TNKS: variants seen among roughly 807,000 people sequenced by gnomAD.
The protein encoded by TNKS is tankyrase, also known as poly [ADP-ribose] polymerase tankyrase-1.
TNKS carries 72 observed loss-of-function variants against 135.8 expected under a neutral mutation model. The ratio of observed to expected loss-of-function variants is 0.53; its 90% CI spans 0.44 to 0.64. The LOEUF (loss-of-function observed/expected upper bound fraction) is 0.64. Ranked by LOEUF, TNKS falls within the 30% of genes least tolerant of loss-of-function variation. The pLI, the probability that TNKS is intolerant of heterozygous loss-of-function variation, is 0.00. For synonymous variants in TNKS, 849 were observed against 649.3 expected (o/e 1.31, Z -4.68); for missense variants, 1,769 against 1,674.0 (o/e 1.06, Z -0.99).
intron 26 of TNKS, among the ~76,000 whole-genome samples, chr8:9,773,749 A>T (rs1808075350): frequency 6.6e-6 from 1 of 152,190 alleles, no homozygotes; most frequent in Admixed American, 6.5e-5. Context: ...TAAATAAAAA[A>T]ATGCACTCAG....
At chr8:9,587,235 G>A (rs949255110) in intron 2 of TNKS, among the ~76,000 whole-genome samples, 1 of 151,902 alleles carries the variant, frequency 6.6e-6, no homozygotes, top group Non-Finnish European at 1.5e-5. Flanking sequence ...AAAGTCAGAT[G>A]ATATAATTTC....
chr8:9,676,419 A>G (rs1318677841), intron 3 of TNKS, among the ~76,000 whole-genome samples: 1 of 152,122 alleles, frequency 6.6e-6, no homozygotes, highest in Non-Finnish European at 1.5e-5. Context: ...ATTTTTACAA[A>G]ACTAAGTCTA....
intron 1 of TNKS, chr8:9,558,470 C>T (rs911390463): frequency 6.6e-6 from 1 of 152,144 alleles, no homozygotes; most frequent in Non-Finnish European, 1.5e-5. Context: ...CTTTTGCATA[C>T]TTTATTCCAA....
intron 5 of TNKS, among the ~76,000 whole-genome samples, chr8:9,701,103 T>A (rs551545917): frequency 6.6e-6 from 1 of 151,976 alleles, no homozygotes; most frequent in African/African-American, 2.4e-5. Context: ...CTGGCTAATT[T>A]TTTGTATTTT....
chr8:9,592,038 T>C (rs1309493637), intron 2 of TNKS, among the ~76,000 whole-genome samples: 1 of 152,206 alleles, frequency 6.6e-6, no homozygotes, highest in Non-Finnish European at 1.5e-5. Flanking sequence ...ATTATAGGAC[T>C]CATTTTTAAG....
rs1264594179 is a variant in TNKS at position 9,641,667 on chromosome 8, T to A, written c.994+25990T>A. ...AATGTATTTTTTTTTTATGTGTGTGTGTTAGAGGAATAGAGACACACAGAG... is the reference window on the plus strand; with the variant it reads ...AATGTATTTTTTTTTTATGTGTGTGAGTTAGAGGAATAGAGACACACAGAG... On this transcript the variant is annotated intron_variant, in intron 3 of 26. Coordinates refer to ENST00000310430, the MANE Select transcript of TNKS (RefSeq NM_003747.3). 1.4e-5 allele frequency among the ~76,000 whole-genome samples: 2 copies of A among 144,856 alleles called. 1 individual carries two copies. Among genetic ancestry groups the A allele is most frequent in the East Asian group, 4.2e-4 (2 of 4,712 alleles).
chr8:9,624,683 A>G (rs1487353493), intron 3 of TNKS, among the ~76,000 whole-genome samples: 1 of 152,100 alleles, frequency 6.6e-6, no homozygotes, highest in Non-Finnish European at 1.5e-5. Context: ...GGCCTTATAG[A>G]ATGAGTTAGT....
At chr8:9,566,979 C>T (rs955871886) in intron 1 of TNKS, among the ~76,000 whole-genome samples, 3 of 152,260 alleles carry the variant, frequency 2.0e-5, no homozygotes, top group African/African-American at 7.2e-5. Flanking sequence ...AGATTTAAAC[C>T]CAATCTGGTT....
intron 2 of TNKS, among the ~76,000 whole-genome samples, chr8:9,585,761 G>T (rs984370525): frequency 2.6e-5 from 4 of 152,034 alleles, no homozygotes; most frequent in Non-Finnish European, 5.9e-5. Flanking sequence ...AACAATTCTT[G>T]GTTTAATTTG....
chr8:9,698,374 G>GAAAAAAAAAAAAAAAAA (rs34311181), intron 5 of TNKS, among the ~76,000 whole-genome samples: 5 of 98,768 alleles, frequency 5.1e-5, no homozygotes, highest in African/African-American at 1.6e-4. Flanking sequence ...ATTTTAAAAT[G>GAAAAAAAAAAAAAAAAA]AAAAAAAAAA....
chr8:9,679,150 A>G (rs896937569), intron 3 of TNKS, among the ~76,000 whole-genome samples: 1 of 152,130 alleles, frequency 6.6e-6, no homozygotes, highest in Non-Finnish European at 1.5e-5. Flanking sequence ...AGAATGGGGG[A>G]AAATTACCCA....
chr8:9,613,838 T>C (rs1047855666), intron 2 of TNKS, among the ~76,000 whole-genome samples: 12 of 152,192 alleles, frequency 7.9e-5, no homozygotes, highest in Admixed American at 7.9e-4. Context: ...GGAGAAACAG[T>C]CAGACTTTCA....
At chr8:9,596,962 G>C (rs960440918) in intron 2 of TNKS, among the ~76,000 whole-genome samples, 1 of 152,208 alleles carries the variant, frequency 6.6e-6, no homozygotes, top group African/African-American at 2.4e-5. Flanking sequence ...ATTAGGAAGA[G>C]GACATTGAAT....
rs1377027423 is a variant in TNKS, at chr8:9,706,194, G to C, written c.1210G>C (p.Val404Leu). 2.5e-6 allele frequency: 4 copies of C among 1,569,222 alleles called. No individual in the cohort carries two copies. Among genetic ancestry groups the C allele is most frequent in the Non-Finnish European group, 3.4e-6 (4 of 1,163,114 alleles). Residue 404 changes from valine (V) to leucine (L), a missense_variant, in exon 7 of 27, where the codon GTG becomes CTG. By Grantham distance (32) the Val-to-Leu change is conservative. This residue lies in a region of TNKS where 523 missense variants were observed against 541.0 expected (regional missense o/e 0.97). Coordinates refer to ENST00000310430, the MANE Select transcript of TNKS (RefSeq NM_003747.3). ...DVHAKDKGGL[V>L]PLHNACSYGH... ...TTGCCTCTTTTCATTTAGTGGACTT[G>C]TGCCTCTTCATAATGCATGTTCATA...
chr8:9,567,916 A>C (rs1209224861), intron 1 of TNKS, among the ~76,000 whole-genome samples: 2 of 152,156 alleles, frequency 1.3e-5, no homozygotes, highest in Admixed American at 6.5e-5. Context: ...CAAATTTTAT[A>C]TTATGTGTAT....
In TNKS at chr8:9,556,655, G is replaced by T. The variant is rs112556123; in HGVS notation, c.673+43G>T. 45 of 1,608,132 alleles carry T rather than the reference G, an allele frequency of 2.8e-5. 2 individuals carry two copies. The African/African-American group carries it at 4.5e-4, about 16-fold the overall frequency. On this transcript the variant is annotated intron_variant, in intron 1 of 26. Coordinates refer to ENST00000310430, the MANE Select transcript of TNKS (RefSeq NM_003747.3). ...TGTTTATTAAGGGTTATGGGTTTGG[G>T]TGCAGGGTCCGGTTAGGACAAGAAA...
intron 18 of TNKS, among the ~76,000 whole-genome samples, chr8:9,750,181 G>C (rs1323094448): frequency 6.6e-6 from 1 of 152,184 alleles, no homozygotes. Context: ...TAATATATCT[G>C]TACCTCTAGT....
At chr8:9,630,951 C>G (rs1276138425) in intron 3 of TNKS, among the ~76,000 whole-genome samples, 1 of 152,066 alleles carries the variant, frequency 6.6e-6, no homozygotes, top group Non-Finnish European at 1.5e-5. Flanking sequence ...ACTGTATTTT[C>G]TCCTTGACGA....
intron 13 of TNKS, among the ~76,000 whole-genome samples, chr8:9,730,138 T>G (rs891555918): frequency 3.3e-5 from 5 of 152,170 alleles, no homozygotes; most frequent in Non-Finnish European, 7.3e-5. Context: ...TTACCACCAG[T>G]GATACAGTCT....
Sources: gnomAD v4.1 joint callset for allele counts (sites outside exome capture counted in the v4.1 genomes callset) on GRCh38, gnomAD v4.1.1 for gene constraint, gnomAD v4.1.1 regional missense constraint, MANE v1.5 for transcripts, NCBI Gene and HGNC (gene_info 2026-07-23, HGNC 2026-07-21) for gene names.